MTTP: variants seen among roughly 807,000 people sequenced by gnomAD.
The protein encoded by MTTP is microsomal triglyceride transfer protein large subunit.
A neutral mutation model predicts 90.6 loss-of-function variants in MTTP; 49 were observed. That is an observed-to-expected ratio of 0.54 (90% CI 0.43 to 0.69). MTTP has a LOEUF of 0.69. Among genes scored for constraint, MTTP ranks in the 30% least tolerant of loss-of-function variants. MTTP has a pLI of 0.00. For synonymous variants in MTTP, 347 were observed against 384.2 expected (o/e 0.90, Z 1.13); for missense variants, 945 against 1,067.5 (o/e 0.89, Z 1.60).
At chr4:99,589,924 T>C (rs1578240047) in intron 4 of MTTP, among the ~76,000 whole-genome samples, 174 bp downstream of exon 4, 2 of 152,162 alleles carry the variant, frequency 1.3e-5, no homozygotes, top group East Asian at 3.9e-4. Context: ...GTTTTGTTAA[T>C]TAATTACAAG....
At chr4:99,586,079 A>C (rs1258885539) in intron 3 of MTTP, among the ~76,000 whole-genome samples, 2 of 152,124 alleles carry the variant, frequency 1.3e-5, no homozygotes, top group Non-Finnish European at 2.9e-5. Context: ...AAGGATGCTC[A>C]TCAGCATGTA....
intron 6 of MTTP, 74 bp from the exon 7 acceptor site, chr4:99,594,659 A>T: frequency 6.4e-7 from 1 of 1,555,942 alleles, no homozygotes. Context: ...TTGTTTGCCA[A>T]AAGAATGGCA....
intron 9 of MTTP, 60 bp downstream of exon 9, chr4:99,600,793 A>G: frequency 6.6e-7 from 1 of 1,517,786 alleles, no homozygotes; most frequent in Non-Finnish European, 9.0e-7. Context: ...GAATATTAAC[A>G]GTAATTAAAA....
At chr4:99,577,820 G>T (rs1725006626) in intron 1 of MTTP, among the ~76,000 whole-genome samples, 1 of 152,144 alleles carries the variant, frequency 6.6e-6, no homozygotes, top group African/African-American at 2.4e-5. Flanking sequence ...CGCCTTCTCT[G>T]TGTTTTCCTT....
rs1273426281 is a variant in MTTP, at chr4:99,607,787, C to T, written c.1557+827C>T. Among the ~76,000 whole-genome samples, 5 of 152,196 alleles carry T rather than the reference C, an allele frequency of 3.3e-5. No homozygotes were observed. The South Asian group carries it at 1.0e-3, about 32-fold the overall frequency. On this transcript the variant is annotated intron_variant, in intron 11 of 17. Transcript: ENST00000265517. The stretch of plus-strand genomic sequence containing the variant: ...GAAAACAAAAGGATCCTAATGTAAC[C>T]TACAGACTTTGGGTAATAATGAAGT...
At chr4:99,591,176 C>T (rs2110218221) in intron 4 of MTTP, 59 bp from the exon 5 acceptor site, 1 of 1,277,588 alleles carries the variant, frequency 7.8e-7, no homozygotes. Flanking sequence ...CCACTTCTCA[C>T]TAGAATTCAA....
chr4:99,580,017 CAG>C, intron 1 of MTTP, among the ~76,000 whole-genome samples: 1 of 118,976 alleles, frequency 8.4e-6, no homozygotes, highest in African/African-American at 3.3e-5. Flanking sequence ...GCCTGGGTGA[CAG>C]AGTGAGACCC....
intron 8 of MTTP, among the ~76,000 whole-genome samples, chr4:99,597,589 A>T (rs111311092): frequency 0.081 from 12,348 of 152,262 alleles, 551 homozygotes; most frequent in Middle Eastern, 0.099. Flanking sequence ...TGACACCTGA[A>T]CAGATTTGAG....
chr4:99,574,591 T>C (rs542232584), upstream of MTTP: 93 of 467,672 alleles, frequency 2.0e-4, no homozygotes, highest in South Asian at 1.2e-3. Flanking sequence ...CCTCAGTACT[T>C]CTGCATTTAT....
chr4:99,615,511 G>A (rs1382966037), intron 15 of MTTP, among the ~76,000 whole-genome samples: 1 of 152,284 alleles, frequency 6.6e-6, no homozygotes, highest in African/African-American at 2.4e-5. Context: ...GGAGTATTTG[G>A]CAGATCTGAG....
At chr4:99,583,673 C>T in intron 3 of MTTP, 156 bp downstream of exon 3, 1 of 925,842 alleles carries the variant, frequency 1.1e-6, no homozygotes, top group East Asian at 2.6e-5. Context: ...TTAAATGTTT[C>T]CAAACTGAAT....
At chr4:99,604,954 T>A (rs2110227487) in intron 10 of MTTP, among the ~76,000 whole-genome samples, 1 of 152,306 alleles carries the variant, frequency 6.6e-6, no homozygotes, top group Admixed American at 6.5e-5. Flanking sequence ...CCATCGCATG[T>A]ACACAAAGTT....
intron 3 of MTTP, among the ~76,000 whole-genome samples, chr4:99,588,245 G>T (rs1486923660): frequency 1.3e-5 from 2 of 152,050 alleles, no homozygotes; most frequent in African/African-American, 4.8e-5. Context: ...TTTTACTTTA[G>T]AAGCTATGGT....
At position 99,611,366 on chromosome 4, in the gene MTTP, C is replaced by CA. The variant is rs1207270805; in HGVS notation, c.1903dup (p.Ile635AsnfsTer13). On this transcript the variant is annotated frameshift_variant, in exon 14 of 18. Transcript: ENST00000265517. LOFTEE classifies it high-confidence loss of function. ...GTTCGGCATCTACTTACAGCCTAGA[C>CA]ATTCTCTACTCGGGTTCTGGCATTC... 6.2e-7 allele frequency: 1 copy of CA among 1,613,884 alleles called. No individual in the cohort carries two copies. The highest frequency in any genetic ancestry group is 8.5e-7 in the Non-Finnish European group (1 of 1,179,900).
intron 15 of MTTP, among the ~76,000 whole-genome samples, chr4:99,618,486 G>A (rs764493050): frequency 1.3e-5 from 2 of 152,184 alleles, no homozygotes; most frequent in African/African-American, 2.4e-5. Flanking sequence ...TTCTGATGGA[G>A]ATGCCTTCAT....
At chr4:99,570,299 A>G (rs981262988), upstream of MTTP, among the ~76,000 whole-genome samples, 2 of 152,036 alleles carry the variant, frequency 1.3e-5, no homozygotes, top group African/African-American at 4.8e-5. Flanking sequence ...TTAATTCACA[A>G]GTATTTTCTC....
intron 17 of MTTP, 82 bp from the exon 18 acceptor site, chr4:99,622,595 G>A (rs1726263542): frequency 6.8e-7 from 1 of 1,464,736 alleles, no homozygotes. Context: ...GAAACTTCAA[G>A]TACATTCAGT....
chr4:99,576,421 C>A (rs11947558), intron 1 of MTTP, among the ~76,000 whole-genome samples: 1 of 151,898 alleles, frequency 6.6e-6, no homozygotes, highest in African/African-American at 2.4e-5. Flanking sequence ...TAAGGCCGGG[C>A]GTGGTGGCTC....
chr4:99,619,369 T>C (rs1726176515), intron 16 of MTTP, among the ~76,000 whole-genome samples: 1 of 152,194 alleles, frequency 6.6e-6, no homozygotes, highest in African/African-American at 2.4e-5. Context: ...AGATGGTTCA[T>C]CTTCTTTTGG....
Sources: allele counts gnomAD v4.1 joint callset (sites outside exome capture counted in the v4.1 genomes callset), GRCh38; gene constraint gnomAD v4.1.1; transcripts MANE v1.5; gene names NCBI Gene and HGNC (gene_info 2026-07-23, HGNC 2026-07-21).